OPRM1: variants seen among roughly 807,000 people sequenced by gnomAD.
OPRM1 encodes the protein mu-type opioid receptor.
OPRM1 carries 27 observed loss-of-function variants against 31.8 expected under a neutral mutation model. That is an observed-to-expected ratio of 0.85 (90% CI 0.63 to 1.17). The LOEUF is 1.17. OPRM1 is among the 50% of genes most tolerant of loss of function. The probability of loss-of-function intolerance (pLI) is 0.00; values close to 1 mark genes in which losing one functional copy is unlikely to be tolerated. For missense variants in OPRM1, 536 were observed against 511.1 expected, an observed-to-expected ratio of 1.05 and a Z score of -0.47; for synonymous variants, 196 against 189.9, an observed-to-expected ratio of 1.03 and a Z score of -0.26.
At chr6:154,238,922 G>GT (rs200785496) in intron 3 of OPRM1, among the ~76,000 whole-genome samples, 117 of 148,552 alleles carry the variant, frequency 7.9e-4, no homozygotes, top group South Asian at 1.7e-3. Context: ...CTATATTGTT[G>GT]TTTTTTTTAA....
chr6:154,216,308 G>T lies in OPRM1; in HGVS notation c.1165-30385G>T, dbSNP rs562634224. Among the ~76,000 whole-genome samples the T allele has an allele frequency of 2.0e-5, 3 of 152,132 alleles. No homozygotes were observed. The South Asian group carries it at 6.2e-4, about 32-fold the overall frequency. ...GAAGCTAATGAGAGGACTAAGATGG[G>T]GGTGGGGGGTGGTTGTAATGACCTG... On this transcript the variant is annotated intron_variant, in intron 3 of 3. Transcript: ENST00000337049.
At chr6:154,103,211 G>A (rs1469918712) in intron 3 of OPRM1, among the ~76,000 whole-genome samples, 1 of 152,046 alleles carries the variant, frequency 6.6e-6, no homozygotes, top group Non-Finnish European at 1.5e-5. Flanking sequence ...AAGGACTCCT[G>A]GAAAATGAGG....
chr6:154,060,147 C>G (rs1784101407), intron 1 of OPRM1, among the ~76,000 whole-genome samples: 1 of 152,104 alleles, frequency 6.6e-6, no homozygotes, highest in Non-Finnish European at 1.5e-5. Context: ...AAAGGTACAA[C>G]TTTACTCAAG....
intron 3 of OPRM1, among the ~76,000 whole-genome samples, chr6:154,140,330 TTA>T (rs1268462399): frequency 8.3e-6 from 1 of 119,828 alleles, no homozygotes; most frequent in South Asian, 3.2e-4. Flanking sequence ...TTATGTTATT[TTA>T]TTTTTTTTTT....
intron 3 of OPRM1, among the ~76,000 whole-genome samples, chr6:154,164,603 T>C (rs1022119931): frequency 6.6e-6 from 1 of 152,172 alleles, no homozygotes; most frequent in Non-Finnish European, 1.5e-5. Flanking sequence ...AAAAATACCA[T>C]GAAAGAGAGA....
chr6:154,193,709 T>C (rs1438925739), intron 3 of OPRM1, among the ~76,000 whole-genome samples: 2 of 152,204 alleles, frequency 1.3e-5, no homozygotes, highest in Non-Finnish European at 2.9e-5. Flanking sequence ...GACCACATGA[T>C]AAGCAAAACA....
At chr6:154,199,756 T>A in intron 3 of OPRM1, 1 of 1,614,240 alleles carries the variant, frequency 6.2e-7, no homozygotes, top group Non-Finnish European at 8.5e-7. Flanking sequence ...CATCACTAGA[T>A]AAAGAGTTCA....
intron 3 of OPRM1, among the ~76,000 whole-genome samples, chr6:154,232,389 T>A (rs1022392636): frequency 1.3e-5 from 2 of 152,228 alleles, no homozygotes; most frequent in Non-Finnish European, 2.9e-5. Context: ...TAGCATTTAT[T>A]GAGCGCTAAG....
chr6:154,214,757 T>C (rs1262603572), intron 3 of OPRM1, among the ~76,000 whole-genome samples: 2 of 152,232 alleles, frequency 1.3e-5, no homozygotes, highest in African/African-American at 4.8e-5. Context: ...AAAATCTGGC[T>C]AGAATTTAAC....
rs1171658815 is a variant in OPRM1, at chr6:154,122,673, C to A, written c.*3952C>A. 6.6e-6 allele frequency among the ~76,000 whole-genome samples: 1 copy of A among 152,096 alleles called. No homozygotes were observed. Among genetic ancestry groups the A allele is most frequent in the Non-Finnish European group, 1.5e-5 (1 of 68,002 alleles). ...TTACAAACTGCTCCAGAAACAAAACCAAATGTGGATAGCTTTGTGAGCTGC... is the reference window on the plus strand; with the variant it reads ...TTACAAACTGCTCCAGAAACAAAACAAAATGTGGATAGCTTTGTGAGCTGC... On this transcript the variant is annotated 3_prime_UTR_variant, in exon 4 of 4. Coordinates refer to ENST00000330432, the MANE Select transcript of OPRM1 (RefSeq NM_000914.5).
intron 1 of OPRM1, among the ~76,000 whole-genome samples, chr6:154,081,924 G>T (rs1381776334): frequency 6.6e-6 from 1 of 152,108 alleles, no homozygotes; most frequent in Non-Finnish European, 1.5e-5. Context: ...GGCCTCTCCC[G>T]GTCTTCTCTT....
chr6:154,118,653 T>A lies in OPRM1; in HGVS notation c.1165-30T>A, dbSNP rs761671491. The A allele has an allele frequency of 2.8e-5, 45 of 1,609,824 alleles. 1 individual carries two copies. The Middle Eastern group carries it at 9.9e-4, about 36-fold the overall frequency. On this transcript the variant is annotated intron_variant, in intron 3 of 3. Coordinates refer to ENST00000330432, the MANE Select transcript of OPRM1 (RefSeq NM_000914.5). The stretch of plus-strand genomic sequence containing the variant: ...TGTGTTGCAACCGTATCTGAAATGT[T>A]CACTGTCTTTGCTCTTTCTCTCCTT...
chr6:154,034,273 G>A (rs572815502), upstream of OPRM1, among the ~76,000 whole-genome samples: 1 of 152,298 alleles, frequency 6.6e-6, no homozygotes, highest in African/African-American at 2.4e-5. Context: ...GGCCGGGCGC[G>A]GTGGCTCACG....
chr6:154,212,669 A>G lies in OPRM1; in HGVS notation c.1165-34024A>G, dbSNP rs1033883725. 5.3e-6 allele frequency: 4 copies of G among 750,164 alleles called. No homozygotes were observed. The Admixed American group carries it at 1.0e-4, about 20-fold the overall frequency. The allele number at this position is 750,164 out of a possible 1,614,324, so 46.5% of individuals were successfully genotyped here. ...GTTGGCAGGTATCTTAATTTAGCCCATTCTAAAAATTTATTGGTCAAGCTA... is the reference window on the plus strand; with the variant it reads ...GTTGGCAGGTATCTTAATTTAGCCCGTTCTAAAAATTTATTGGTCAAGCTA... On this transcript the variant is annotated intron_variant, in intron 3 of 3. Transcript: ENST00000337049.
At chr6:154,105,490 A>G (rs1230943748) in intron 3 of OPRM1, among the ~76,000 whole-genome samples, 1 of 152,212 alleles carries the variant, frequency 6.6e-6, no homozygotes, top group African/African-American at 2.4e-5. Flanking sequence ...AGTTATCAGA[A>G]ACTTGCATTT....
intron 1 of OPRM1, among the ~76,000 whole-genome samples, chr6:154,031,362 A>C (rs1778995181): frequency 6.6e-6 from 1 of 151,590 alleles, no homozygotes; most frequent in Non-Finnish European, 1.5e-5. Context: ...CAGTTGCTAC[A>C]GAAAAGACTG....
chr6:154,066,573 G>C (rs1201393507), intron 1 of OPRM1, among the ~76,000 whole-genome samples: 1 of 152,048 alleles, frequency 6.6e-6, no homozygotes, highest in Non-Finnish European at 1.5e-5. Context: ...ACTGTAATTG[G>C]AGGTAAGGCC....
intron 3 of OPRM1, among the ~76,000 whole-genome samples, chr6:154,215,121 G>T (rs888918161): frequency 1.3e-5 from 2 of 152,010 alleles, no homozygotes; most frequent in East Asian, 3.9e-4. Context: ...TTATCAATTC[G>T]TCTATGCTTT....
In OPRM1 at chr6:154,177,472, G is replaced by A. The variant is rs142040347; in HGVS notation, c.1165-69221G>A. ...AAACAAACAACCCCATCAGAAAGTG[G>A]GCAAAGGACATGAACAGACACTTCT... is the stretch of plus-strand genomic sequence containing the variant. On this transcript the variant is annotated intron_variant, in intron 3 of 3. Coordinates refer to the OPRM1 transcript ENST00000337049. Among the ~76,000 whole-genome samples the A allele has an allele frequency of 7.1e-3, 1,074 of 152,228 alleles. 17 individuals are homozygous for A. The highest frequency in any genetic ancestry group is 0.025 in the African/African-American group (1,038 of 41,530).
Sources: allele counts gnomAD v4.1 joint callset (sites outside exome capture counted in the v4.1 genomes callset), GRCh38; gene constraint gnomAD v4.1.1; transcripts MANE v1.5; gene names NCBI Gene and HGNC (gene_info 2026-07-23, HGNC 2026-07-21).